LRRC18: variants seen among roughly 807,000 people sequenced by gnomAD.
LRRC18 encodes the protein leucine-rich repeat-containing protein 18.
Under a neutral mutation model 11.2 loss-of-function variants are expected in LRRC18, and 12 were observed. The ratio of observed to expected loss-of-function variants is 1.07; its 90% CI spans 0.69 to 1.74. The LOEUF is 1.74. Ranked by LOEUF, LRRC18 falls within the 40% of genes most tolerant of loss-of-function variation. The pLI is 0.00. For missense variants in LRRC18, 374 were observed against 330.5 expected (o/e 1.13, Z -1.02); for synonymous variants, 155 against 130.6 (o/e 1.19, Z -1.27).
At chr10:48,928,578 G>T in the LRRC18 span, among the ~76,000 whole-genome samples, 2 of 152,170 alleles carry the variant, frequency 1.3e-5, no homozygotes, top group Non-Finnish European at 2.9e-5. Context: ...TATCCTGGGG[G>T]CCAAGAGGAC....
the LRRC18 span, among the ~76,000 whole-genome samples, chr10:48,922,526 AT>A: frequency 1.3e-5 from 2 of 152,334 alleles, no homozygotes; most frequent in South Asian, 4.1e-4. Context: ...AATTGTTGAA[AT>A]TGTTCTATTT....
the LRRC18 span, among the ~76,000 whole-genome samples, chr10:48,930,416 G>T: frequency 6.6e-6 from 1 of 152,232 alleles, no homozygotes; most frequent in Non-Finnish European, 1.5e-5. Context: ...TGGCACGACG[G>T]ATTGTTTGAC....
the LRRC18 span, among the ~76,000 whole-genome samples, chr10:48,938,146 G>T: frequency 6.6e-6 from 1 of 152,202 alleles, no homozygotes; most frequent in Non-Finnish European, 1.5e-5. Flanking sequence ...AAATCCCTCA[G>T]TCACTCACTA....
At chr10:48,938,295 T>G in the LRRC18 span, among the ~76,000 whole-genome samples, 2 of 152,254 alleles carry the variant, frequency 1.3e-5, no homozygotes, top group African/African-American at 2.4e-5. Context: ...TCTGTAGTTG[T>G]CTGCCATATT....
intron 1 of LRRC18, among the ~76,000 whole-genome samples, chr10:48,911,674 T>C (rs1173947346): frequency 2.0e-5 from 3 of 152,304 alleles, no homozygotes; most frequent in South Asian, 2.1e-4. Flanking sequence ...TGTATAAAAA[T>C]ATATACAGAA....
At chr10:48,909,923 G>A (rs1837848270) in exon 2 of LRRC18, 2 of 341,440 alleles carry the variant, frequency 5.9e-6, no homozygotes, top group African/African-American at 4.2e-5. Flanking sequence ...GAGGCAGTAA[G>A]CCTTTTAAGT....
chr10:48,909,909 T>G (rs1365642072), exon 2 of LRRC18: 1 of 303,808 alleles, frequency 3.3e-6, no homozygotes, highest in East Asian at 6.7e-5. Context: ...CTGAGTGAAA[T>G]GTAGAGGCAG....
upstream of LRRC18, among the ~76,000 whole-genome samples, chr10:48,915,806 C>T (rs1838472312): frequency 2.0e-5 from 3 of 152,166 alleles, no homozygotes; most frequent in Admixed American, 2.0e-4. Flanking sequence ...GTTCTTAGCT[C>T]TTGGCAGCAT....
upstream of LRRC18, among the ~76,000 whole-genome samples, chr10:48,917,186 A>G (rs1373961621): frequency 6.6e-6 from 1 of 152,216 alleles, no homozygotes; most frequent in Non-Finnish European, 1.5e-5. Context: ...TGATGTTCAC[A>G]TAATGATGAA....
the LRRC18 span, among the ~76,000 whole-genome samples, chr10:48,921,047 G>T: frequency 6.6e-6 from 1 of 152,158 alleles, no homozygotes; most frequent in Non-Finnish European, 1.5e-5. Flanking sequence ...TGAATTGGAT[G>T]ACTTAATGTC....
the LRRC18 span, among the ~76,000 whole-genome samples, chr10:48,938,259 G>A: frequency 1.6e-4 from 24 of 152,214 alleles, no homozygotes; most frequent in Admixed American, 3.9e-4. Context: ...GCATTAGCTC[G>A]GGGTCCCAGG....
chr10:48,927,949 C>G, the LRRC18 span, among the ~76,000 whole-genome samples: 143,320 of 152,308 alleles, frequency 0.94, 67,802 homozygotes, highest in East Asian at 1. Context: ...TTCATCCACC[C>G]TATGTTCAAA....
exon 2 of LRRC18, chr10:48,910,180 C>T: frequency 6.9e-7 from 1 of 1,452,658 alleles, no homozygotes; most frequent in South Asian, 1.1e-5. Flanking sequence ...GGCTTCTCCT[C>T]TTCAGAGTCG....
At chr10:48,918,951 C>T (rs1838800863), upstream of LRRC18, among the ~76,000 whole-genome samples, 1 of 152,174 alleles carries the variant, frequency 6.6e-6, no homozygotes, top group Admixed American at 6.5e-5. Flanking sequence ...TATAGAATAA[C>T]TCACTATTAC....
At chr10:48,928,119 T>A in the LRRC18 span, among the ~76,000 whole-genome samples, 2 of 152,092 alleles carry the variant, frequency 1.3e-5, no homozygotes, top group Non-Finnish European at 1.5e-5. Context: ...TCACAGCTCC[T>A]CTCCTCCCGC....
chr10:48,920,487 G>A, the LRRC18 span, among the ~76,000 whole-genome samples: 1 of 151,840 alleles, frequency 6.6e-6, no homozygotes, highest in East Asian at 1.9e-4. Flanking sequence ...TGCACGTTGT[G>A]CACATATACC....
chr10:48,914,942 A>G (rs1439807920), upstream of LRRC18, among the ~76,000 whole-genome samples: 1 of 152,130 alleles, frequency 6.6e-6, no homozygotes, highest in Non-Finnish European at 1.5e-5. Flanking sequence ...CTCATCCTTC[A>G]CACTGGACTT....
chr10:48,935,833 C>G, the LRRC18 span, among the ~76,000 whole-genome samples: 1 of 151,512 alleles, frequency 6.6e-6, no homozygotes, highest in Non-Finnish European at 1.5e-5. Context: ...TTGTGCTTTG[C>G]TTTTCCTGCT....
chr10:48,938,715 T>G, the LRRC18 span, among the ~76,000 whole-genome samples: 1 of 152,126 alleles, frequency 6.6e-6, no homozygotes. Context: ...GAAGCTCGTC[T>G]GGGGGGGTAA....
Sources: gnomAD v4.1 joint callset for allele counts (sites outside exome capture counted in the v4.1 genomes callset) on GRCh38, gnomAD v4.1.1 for gene constraint, MANE v1.5 for transcripts, NCBI Gene and HGNC (gene_info 2026-07-23, HGNC 2026-07-21) for gene names.